Variants in CNTNAP2 observed in about 807,000 individuals in gnomAD.
CNTNAP2 encodes the protein contactin-associated protein-like 2.
In CNTNAP2, 98 loss-of-function variants were observed where a neutral mutation model predicts 155.2. The observed-to-expected ratio is 0.63, with a 90% CI of 0.54 to 0.75. CNTNAP2 has a LOEUF of 0.75. Among genes scored for constraint, CNTNAP2 ranks in the 30% least tolerant of loss-of-function variants. The pLI, the probability that CNTNAP2 is intolerant of heterozygous loss-of-function variation, is 0.00. For synonymous variants in CNTNAP2, 651 were observed against 631.2 expected, an observed-to-expected ratio of 1.03 and a Z score of -0.47; for missense variants, 1,727 against 1,688.1, an observed-to-expected ratio of 1.02 and a Z score of -0.40.
chr7:146,995,755 C>T (rs1342844373), intron 3 of CNTNAP2, among the ~76,000 whole-genome samples: 1 of 152,040 alleles, frequency 6.6e-6, no homozygotes, highest in Admixed American at 6.6e-5. Context: ...TAAAAGCACT[C>T]CATGAATGTA....
At position 146,758,853 on chromosome 7, in the gene CNTNAP2, T is replaced by C. The variant is rs530187869; in HGVS notation, c.98-15418T>C. ...TGATTCTTCTTTCCTGATTAGAACT[T>C]TCAGGACTTGAATCTCTCCTCTCCT... On this transcript the variant is annotated intron_variant, in intron 1 of 23. Coordinates refer to ENST00000361727, the MANE Select transcript of CNTNAP2 (RefSeq NM_014141.6). 2.0e-5 allele frequency among the ~76,000 whole-genome samples: 3 copies of C among 152,258 alleles called. No homozygotes were observed. The East Asian group carries it at 5.8e-4, about 29-fold the overall frequency.
chr7:147,734,952 C>G (rs1796814771), intron 13 of CNTNAP2, among the ~76,000 whole-genome samples: 1 of 148,778 alleles, frequency 6.7e-6, no homozygotes, highest in African/African-American at 2.5e-5. Flanking sequence ...TATTGTTGAT[C>G]TTTTCAAAAA....
At chr7:146,946,095 T>TTCTTTCCTTCCTTCC in intron 3 of CNTNAP2, among the ~76,000 whole-genome samples, 1 of 147,054 alleles carries the variant, frequency 6.8e-6, no homozygotes, top group African/African-American at 2.6e-5. Flanking sequence ...CCTTCCTTCC[T>TTCTTTCCTTCCTTCC]TTCCTTCTTT....
At chr7:146,965,732 A>G (rs935236453) in intron 3 of CNTNAP2, among the ~76,000 whole-genome samples, 8 of 152,128 alleles carry the variant, frequency 5.3e-5, no homozygotes, top group African/African-American at 1.9e-4. Flanking sequence ...GCTATAGAAA[A>G]CCGTTATGTA....
At chr7:146,534,810 GTC>G (rs927310607) in intron 1 of CNTNAP2, among the ~76,000 whole-genome samples, 8 of 151,592 alleles carry the variant, frequency 5.3e-5, no homozygotes, top group African/African-American at 1.9e-4. Context: ...CAGGACTAGA[GTC>G]TAAATCCAAG....
chr7:148,058,801 G>A lies in CNTNAP2; in HGVS notation c.2384-59317G>A, dbSNP rs142315521. ...AGTTTTTTGTTTGTTTGTTTTTAGC[G>A]TTGTATGCCTAATAGGGTAAATGTT... On this transcript the variant is annotated intron_variant, in intron 15 of 23. Transcript: ENST00000361727. Among the ~76,000 whole-genome samples the A allele has an allele frequency of 5.0e-3, 760 of 152,198 alleles. 1 individual carries two copies. The highest frequency in any genetic ancestry group is 7.0e-3 in the Non-Finnish European group (478 of 68,010).
rs561817711 is a variant in CNTNAP2 at position 146,452,707 on chromosome 7, AT to A, written c.98-321561del. Among the ~76,000 whole-genome samples, 251 of 152,328 alleles carry A rather than the reference AT, an allele frequency of 1.6e-3. 1 individual carries two copies. Among genetic ancestry groups the A allele is most frequent in the African/African-American group, 5.8e-3 (242 of 41,572 alleles). ...GGTTTAACATTTACTTTTACTTAAC[AT>A]TTGCCATTCTGTATGTTTTATTAAT... On this transcript the variant is annotated intron_variant, in intron 1 of 23. Transcript: ENST00000361727.
At chr7:146,901,757 T>A (rs987922627) in intron 3 of CNTNAP2, among the ~76,000 whole-genome samples, 1 of 152,012 alleles carries the variant, frequency 6.6e-6, no homozygotes, top group Non-Finnish European at 1.5e-5. Flanking sequence ...CTGAAAAAAA[T>A]TATTTTTGCT....
Position 148,178,923 on chromosome 7 carries a change from G to A in CNTNAP2, c.3010+6445G>A, listed in dbSNP as rs547261180. 2.7e-4 allele frequency among the ~76,000 whole-genome samples: 41 copies of A among 152,174 alleles called. 1 individual carries two copies. Among genetic ancestry groups the A allele is most frequent in the Middle Eastern group, 3.4e-3 (1 of 294 alleles). On this transcript the variant is annotated intron_variant, in intron 18 of 23. Transcript: ENST00000361727. Reference sequence around the variant, plus strand: ...TCAAATGCCTAACTGGCATTATTTCGGTGATCCTTGAGTATTGGATTGTCA... The same window carrying A: ...TCAAATGCCTAACTGGCATTATTTCAGTGATCCTTGAGTATTGGATTGTCA...
intron 13 of CNTNAP2, among the ~76,000 whole-genome samples, chr7:147,764,829 A>G (rs527936604): frequency 2.5e-4 from 38 of 152,338 alleles, no homozygotes; most frequent in African/African-American, 7.7e-4. Flanking sequence ...GCTTGGTGCT[A>G]ACTAAAAAGC....
At chr7:146,727,031 T>A (rs1253644894) in intron 1 of CNTNAP2, among the ~76,000 whole-genome samples, 1 of 152,214 alleles carries the variant, frequency 6.6e-6, no homozygotes, top group Non-Finnish European at 1.5e-5. Flanking sequence ...TTTTGCTTTT[T>A]TTTCTGCTGA....
At position 147,093,444 on chromosome 7, in the gene CNTNAP2, C is replaced by A. The variant is rs117708103; in HGVS notation, c.551-14703C>A. ...CTTGTGTAAAGGTAAATAAATGCAA[C>A]GTAAACACAAGCAGTCTTCATTATT... On this transcript the variant is annotated intron_variant, in intron 4 of 23. Coordinates refer to ENST00000361727, the MANE Select transcript of CNTNAP2 (RefSeq NM_014141.6). 8.0e-3 allele frequency among the ~76,000 whole-genome samples: 1,217 copies of A among 152,096 alleles called. 5 individuals carry two copies. The highest frequency in any genetic ancestry group is 0.014 in the Middle Eastern group (4 of 294).
intron 15 of CNTNAP2, among the ~76,000 whole-genome samples, chr7:148,052,363 GAA>G (rs11377797): frequency 3.6e-5 from 5 of 139,406 alleles, no homozygotes; most frequent in Middle Eastern, 3.7e-3. Flanking sequence ...CCAGGTGATG[GAA>G]AAAAAAAAAA....
At chr7:147,955,051 C>T (rs182621401) in intron 14 of CNTNAP2, among the ~76,000 whole-genome samples, 1 of 152,248 alleles carries the variant, frequency 6.6e-6, no homozygotes, top group African/African-American at 2.4e-5. Flanking sequence ...AATTTCCCAC[C>T]ACAAGTGAAA....
At chr7:146,537,436 A>G (rs1219316081) in intron 1 of CNTNAP2, among the ~76,000 whole-genome samples, 1 of 152,256 alleles carries the variant, frequency 6.6e-6, no homozygotes, top group Middle Eastern at 3.4e-3. Context: ...TATCAATGTT[A>G]AAGCCTTCAA....
chr7:148,317,487 A>G (rs1189809936), intron 21 of CNTNAP2, among the ~76,000 whole-genome samples: 1 of 152,188 alleles, frequency 6.6e-6, no homozygotes, highest in African/African-American at 2.4e-5. Context: ...ACTTGAGGCC[A>G]GGAGTTCAAG....
intron 13 of CNTNAP2, among the ~76,000 whole-genome samples, chr7:147,720,851 GA>G (rs1420511699): frequency 6.6e-6 from 1 of 151,848 alleles, no homozygotes; most frequent in Non-Finnish European, 1.5e-5. Context: ...ATAGCAGTAT[GA>G]AAAAAAGACT....
intron 3 of CNTNAP2, among the ~76,000 whole-genome samples, chr7:146,953,317 A>G (rs979188478): frequency 6.6e-6 from 1 of 152,022 alleles, no homozygotes; most frequent in Admixed American, 6.6e-5. Context: ...GGAATCACAT[A>G]TGTATCATTT....
At chr7:147,167,662 C>T (rs1802141417) in intron 8 of CNTNAP2, 1 of 396,654 alleles carries the variant, frequency 2.5e-6, no homozygotes, top group Non-Finnish European at 4.4e-6. Context: ...TATGGGCCAC[C>T]TTATTATTAT....
Sources: allele counts gnomAD v4.1 joint callset (sites outside exome capture counted in the v4.1 genomes callset), GRCh38; gene constraint gnomAD v4.1.1; transcripts MANE v1.5; gene names NCBI Gene and HGNC (gene_info 2026-07-23, HGNC 2026-07-21).